The following APOL3 variants were observed in gnomAD, a reference collection of about 807,000 sequenced individuals.
The protein encoded by APOL3 is TNF-inducible protein CG12-1.
A neutral mutation model predicts 11.6 loss-of-function variants in APOL3; 14 were observed. The observed-to-expected ratio is 1.21, with a 90% CI of 0.80 to 1.89. The LOEUF is 1.89. APOL3 is among the 40% of genes most tolerant of loss of function. The pLI is 0.00. For synonymous variants in APOL3, 192 were observed against 190.6 expected (o/e 1.01, Z -0.06); for missense variants, 483 against 492.1 (o/e 0.98, Z 0.17).
intron 1 of APOL3, among the ~76,000 whole-genome samples, chr22:36,151,030 A>G (rs184871147): frequency 6.6e-6 from 1 of 152,354 alleles, no homozygotes; most frequent in Non-Finnish European, 1.5e-5. Context: ...CACCAAGAGC[A>G]CATTCAGCCA....
chr22:36,161,935 A>G (rs1213254619), upstream of APOL3, among the ~76,000 whole-genome samples: 10 of 152,274 alleles, frequency 6.6e-5, no homozygotes, highest in South Asian at 1.0e-3. Flanking sequence ...CCTTCAAATA[A>G]TAGGTGCTAG....
intron 1 of APOL3, among the ~76,000 whole-genome samples, 190 bp downstream of exon 1, chr22:36,160,479 G>A (rs2013595050): frequency 6.6e-6 from 1 of 152,322 alleles, no homozygotes; most frequent in South Asian, 2.1e-4. Context: ...CTGTTTGGGG[G>A]CCCAGAGAGA....
chr22:36,158,924 A>G (rs2013345247), intron 1 of APOL3, among the ~76,000 whole-genome samples: 1 of 152,164 alleles, frequency 6.6e-6, no homozygotes, highest in Admixed American at 6.5e-5. Flanking sequence ...TGAGAAACAC[A>G]GGGCTCCATG....
chr22:36,157,401 T>C (rs970196558), intron 1 of APOL3, among the ~76,000 whole-genome samples: 2 of 152,182 alleles, frequency 1.3e-5, no homozygotes, highest in African/African-American at 4.8e-5. Context: ...ACCCATGAAA[T>C]AGGTCCTACA....
chr22:36,155,252 G>A (rs973218239), intron 1 of APOL3, among the ~76,000 whole-genome samples: 2 of 152,130 alleles, frequency 1.3e-5, no homozygotes, highest in Middle Eastern at 3.2e-3. Flanking sequence ...CTGTGGCTTC[G>A]GCTGCATCTG....
chr22:36,149,265 C>T (rs140997386), intron 1 of APOL3, 123 bp from the exon 2 acceptor site: 60 of 1,305,548 alleles, frequency 4.6e-5, no homozygotes, highest in South Asian at 3.7e-4. Context: ...CAACCTAGCC[C>T]GGTGTTTTTT....
intron 2 of APOL3, among the ~76,000 whole-genome samples, chr22:36,143,218 C>A (rs1001832496): frequency 2.0e-5 from 3 of 152,234 alleles, no homozygotes; most frequent in Admixed American, 6.5e-5. Flanking sequence ...TGGTTGGCAA[C>A]ACCCCATGTG....
At chr22:36,157,082 T>G in intron 1 of APOL3, 1 of 452,886 alleles carries the variant, frequency 2.2e-6, no homozygotes, top group Non-Finnish European at 4.5e-6. Context: ...TTTCTGAGTT[T>G]CCATTTATTT....
chr22:36,141,344 G>T (rs1489784924), exon 3 of APOL3: 5 of 1,614,186 alleles, frequency 3.1e-6, no homozygotes, highest in Non-Finnish European at 4.2e-6. Flanking sequence ...CGTATACAAG[G>T]TTGACCACAT....
At chr22:36,160,874 C>A (rs367922930) in exon 1 of APOL3, 1 of 1,613,496 alleles carries the variant, frequency 6.2e-7, no homozygotes, top group Admixed American at 1.7e-5. Flanking sequence ...CCCAGCCCCA[C>A]CCTTGGCCCA....
At chr22:36,163,934 C>T (rs771545208), upstream of APOL3, among the ~76,000 whole-genome samples, 3 of 152,292 alleles carry the variant, frequency 2.0e-5, no homozygotes, top group Middle Eastern at 3.4e-3. Context: ...TCCCTAGTGC[C>T]TTTTTTTAAA....
chr22:36,150,344 C>T (rs1340078322), intron 1 of APOL3, among the ~76,000 whole-genome samples: 1 of 152,120 alleles, frequency 6.6e-6, no homozygotes, highest in Non-Finnish European at 1.5e-5. Context: ...TTTGTGGACT[C>T]GACTTTGCAC....
exon 3 of APOL3, chr22:36,141,841 C>T: frequency 6.2e-7 from 1 of 1,614,226 alleles, no homozygotes. Context: ...GAGCTGGACA[C>T]CACATTGGAG....
upstream of APOL3, among the ~76,000 whole-genome samples, chr22:36,164,424 T>C (rs1039395240): frequency 6.6e-6 from 1 of 152,262 alleles, no homozygotes; most frequent in African/African-American, 2.4e-5. Context: ...GTCGTCTATC[T>C]GTAATACTAT....
chr22:36,154,111 A>G (rs1348594499), intron 1 of APOL3, among the ~76,000 whole-genome samples: 1 of 152,200 alleles, frequency 6.6e-6, no homozygotes, highest in Non-Finnish European at 1.5e-5. Flanking sequence ...AATGTTTCTT[A>G]TTAGACTGAA....
chr22:36,163,472 G>A (rs1001076386), upstream of APOL3, among the ~76,000 whole-genome samples: 19 of 152,280 alleles, frequency 1.2e-4, no homozygotes, highest in East Asian at 3.9e-4. Flanking sequence ...TCTGAAGATC[G>A]TTTTGCAATT....
exon 3 of APOL3, chr22:36,141,329 T>G: frequency 1.2e-6 from 2 of 1,614,064 alleles, no homozygotes; most frequent in Non-Finnish European, 1.7e-6. Context: ...GCAAGTGCTT[T>G]GACTCGTATA....
chr22:36,144,596 G>A (rs2060116965), intron 2 of APOL3, among the ~76,000 whole-genome samples: 1 of 152,156 alleles, frequency 6.6e-6, no homozygotes, highest in Non-Finnish European at 1.5e-5. Flanking sequence ...TGCTGTGTTT[G>A]TGCAGTTCCT....
upstream of APOL3, chr22:36,165,861 G>A (rs543891023): frequency 3.3e-5 from 5 of 152,302 alleles, no homozygotes; most frequent in East Asian, 9.7e-4. Flanking sequence ...TCTAAAGGGG[G>A]AAATATTAGG....
Sources: gnomAD v4.1 joint callset for allele counts (sites outside exome capture counted in the v4.1 genomes callset) on GRCh38, gnomAD v4.1.1 for gene constraint, MANE v1.5 for transcripts, NCBI Gene and HGNC (gene_info 2026-07-23, HGNC 2026-07-21) for gene names.